Variants in INSC observed in about 807,000 individuals in gnomAD.
INSC encodes INSC spindle orientation adaptor protein.
In INSC, 67 loss-of-function variants were observed where a neutral mutation model predicts 58.6. The ratio of observed to expected loss-of-function variants is 1.14; its 90% CI spans 0.94 to 1.40. The LOEUF (loss-of-function observed/expected upper bound fraction) is 1.40. Ranked by LOEUF, INSC falls within the 40% of genes most tolerant of loss-of-function variation. INSC has a pLI of 0.00. For missense variants in INSC, 714 were observed against 692.0 expected, an observed-to-expected ratio of 1.03 and a Z score of -0.36; for synonymous variants, 262 against 276.1, an observed-to-expected ratio of 0.95 and a Z score of 0.51.
chr11:15,264,266 C>G, the INSC span, among the ~76,000 whole-genome samples: 1 of 139,082 alleles, frequency 7.2e-6, no homozygotes, highest in Non-Finnish European at 1.5e-5. Flanking sequence ...AAATTCTTCT[C>G]ATGCTTGGAA....
At chr11:15,256,379 C>A in the INSC span, among the ~76,000 whole-genome samples, 1 of 152,134 alleles carries the variant, frequency 6.6e-6, no homozygotes. Flanking sequence ...AAAAGTTCAC[C>A]ATTTAGATGG....
At chr11:15,239,148 T>A in intron 11 of INSC, 74 bp downstream of exon 11, 8 of 1,513,798 alleles carry the variant, frequency 5.3e-6, no homozygotes, top group Non-Finnish European at 7.1e-6. Flanking sequence ...GATTTCACAG[T>A]GGCAACAGTG....
chr11:15,188,043 A>G, intron 5 of INSC: 1 of 255,560 alleles, frequency 3.9e-6, no homozygotes, highest in Non-Finnish European at 6.1e-6. Context: ...AAAGACTCAG[A>G]CAGGGAATCA....
At chr11:15,205,398 GAT>G (rs1850756778) in intron 7 of INSC, among the ~76,000 whole-genome samples, 1 of 152,142 alleles carries the variant, frequency 6.6e-6, no homozygotes, top group African/African-American at 2.4e-5. Context: ...TGTGAGCTTG[GAT>G]ATGTTATCCT....
At chr11:15,172,251 G>T (rs574218436) in intron 2 of INSC, among the ~76,000 whole-genome samples, 1 of 152,212 alleles carries the variant, frequency 6.6e-6, no homozygotes, top group East Asian at 1.9e-4. Flanking sequence ...TATGTCTTTA[G>T]AACACAATAA....
At chr11:15,243,649 C>A (rs1852444910) in intron 12 of INSC, among the ~76,000 whole-genome samples, 1 of 152,100 alleles carries the variant, frequency 6.6e-6, no homozygotes, top group Non-Finnish European at 1.5e-5. Context: ...GGTGTCTCTT[C>A]TCTCTCTGCC....
intron 9 of INSC, among the ~76,000 whole-genome samples, chr11:15,231,738 G>C (rs1325163129): frequency 6.6e-6 from 1 of 152,230 alleles, no homozygotes; most frequent in Non-Finnish European, 1.5e-5. Context: ...TATATGCCAG[G>C]CTTTCTTTGT....
intron 2 of INSC, 38 bp from the exon 3 acceptor site, chr11:15,175,703 G>T: frequency 6.9e-7 from 1 of 1,458,318 alleles, no homozygotes; most frequent in Non-Finnish European, 9.3e-7. Context: ...AAATCATGGG[G>T]TGTTGATAAT....
intron 1 of INSC, among the ~76,000 whole-genome samples, chr11:15,119,379 G>A (rs59646629): frequency 0.02 from 2,998 of 152,274 alleles, 75 homozygotes; most frequent in African/African-American, 0.062. Flanking sequence ...TGGGAACCAA[G>A]CCTCTGCCCA....
intron 7 of INSC, among the ~76,000 whole-genome samples, chr11:15,202,900 G>C (rs182593842): frequency 6.6e-6 from 1 of 152,188 alleles, no homozygotes; most frequent in South Asian, 2.1e-4. Context: ...TGTGTCTTTC[G>C]CAGTATAGAC....
At chr11:15,158,763 A>C (rs2133776091) in intron 2 of INSC, among the ~76,000 whole-genome samples, 1 of 151,818 alleles carries the variant, frequency 6.6e-6, no homozygotes, top group East Asian at 1.9e-4. Context: ...GGCTTAAAGG[A>C]GATAATATAT....
intron 5 of INSC, among the ~76,000 whole-genome samples, chr11:15,183,370 A>C (rs1016762207): frequency 1.4e-5 from 2 of 147,534 alleles, no homozygotes; most frequent in Admixed American, 1.3e-4. Flanking sequence ...AAAAAAAAAA[A>C]CCAGAAAAAA....
intron 7 of INSC, among the ~76,000 whole-genome samples, chr11:15,212,258 C>T (rs373675856): frequency 2.6e-5 from 4 of 152,112 alleles, no homozygotes; most frequent in African/African-American, 7.2e-5. Flanking sequence ...TGTGCCACCG[C>T]GCCCAGCTAA....
At chr11:15,231,792 C>T (rs1037965016) in intron 9 of INSC, among the ~76,000 whole-genome samples, 1 of 152,148 alleles carries the variant, frequency 6.6e-6, no homozygotes, top group East Asian at 1.9e-4. Flanking sequence ...CTTGGGTGTC[C>T]TGGGTATTCT....
At chr11:15,213,393 G>A (rs1280854166) in intron 7 of INSC, among the ~76,000 whole-genome samples, 4 of 152,156 alleles carry the variant, frequency 2.6e-5, no homozygotes, top group African/African-American at 9.7e-5. Flanking sequence ...AATCATCTAA[G>A]AACCAGGCTG....
chr11:15,244,996 T>C (rs962445824), intron 12 of INSC, among the ~76,000 whole-genome samples: 1 of 152,232 alleles, frequency 6.6e-6, no homozygotes, highest in Non-Finnish European at 1.5e-5. Flanking sequence ...ACTTCGTTTA[T>C]TCATTTCTTT....
upstream of INSC, chr11:15,112,274 G>C (rs1179403072): frequency 8.4e-6 from 4 of 476,438 alleles, no homozygotes; most frequent in Non-Finnish European, 1.5e-5. Context: ...AGACAGAGGG[G>C]AGGGGGTCGA....
At chr11:15,155,347 T>C (rs1474823151) in intron 2 of INSC, among the ~76,000 whole-genome samples, 1 of 152,220 alleles carries the variant, frequency 6.6e-6, no homozygotes, top group Non-Finnish European at 1.5e-5. Context: ...ATATTCTGGC[T>C]TGGGTTACAT....
chr11:15,213,681 A>G (rs1486627176), intron 7 of INSC, among the ~76,000 whole-genome samples: 2 of 152,172 alleles, frequency 1.3e-5, no homozygotes, highest in African/African-American at 2.4e-5. Flanking sequence ...TTCTCTGCCT[A>G]TATGTCTCTC....
Sources: allele counts gnomAD v4.1 joint callset (sites outside exome capture counted in the v4.1 genomes callset), GRCh38; gene constraint gnomAD v4.1.1; transcripts MANE v1.5; gene names NCBI Gene and HGNC (gene_info 2026-07-23, HGNC 2026-07-21).